VPS13B: variants seen among roughly 807,000 people sequenced by gnomAD.
VPS13B encodes intermembrane lipid transfer protein VPS13B.
VPS13B carries 285 observed loss-of-function variants against 426.4 expected under a neutral mutation model. That is an observed-to-expected ratio of 0.67 (90% CI 0.61 to 0.74). The LOEUF is 0.74. Ranked by LOEUF, VPS13B falls within the 30% of genes least tolerant of loss-of-function variation. The probability of loss-of-function intolerance (pLI) is 0.00; values close to 1 mark genes in which losing one functional copy is unlikely to be tolerated. For missense variants in VPS13B, 4,537 were observed against 4,782.6 expected (o/e 0.95, Z 1.51); for synonymous variants, 1,676 against 1,676.4 (o/e 1.00, Z 0.01).
intron 15 of VPS13B, among the ~76,000 whole-genome samples, chr8:99,158,959 T>A (rs1036238671): frequency 6.6e-6 from 1 of 152,234 alleles, no homozygotes; most frequent in African/African-American, 2.4e-5. Context: ...ATTCTTCTGA[T>A]AGACCTGGGC....
rs550223295 is a variant in VPS13B at position 99,558,331 on chromosome 8, G to A, written c.4949+1678G>A. Among the ~76,000 whole-genome samples the A allele has an allele frequency of 2.6e-5, 4 of 152,198 alleles. No homozygotes were observed. The South Asian group carries it at 8.3e-4, about 32-fold the overall frequency. ...TTTATATGTGATCTTCTCTGTACCT[G>A]TAACTGTCATAACCCACCCTCTTCA... On this transcript the variant is annotated intron_variant, in intron 31 of 61. Transcript: ENST00000357162.
chr8:99,438,422 T>C (rs575235915), intron 22 of VPS13B, among the ~76,000 whole-genome samples: 5 of 152,288 alleles, frequency 3.3e-5, no homozygotes, highest in South Asian at 4.1e-4. Context: ...ATGCTAATTA[T>C]AAAAGTAAGA....
intron 16 of VPS13B, among the ~76,000 whole-genome samples, chr8:99,177,104 A>G (rs142070575): frequency 1.2e-4 from 18 of 152,332 alleles, no homozygotes; most frequent in Non-Finnish European, 1.2e-4. Context: ...TTAGCAAGGA[A>G]GTGATGAGTG....
chr8:99,183,015 A>C (rs953136813), intron 16 of VPS13B, among the ~76,000 whole-genome samples: 1 of 152,198 alleles, frequency 6.6e-6, no homozygotes, highest in Admixed American at 6.5e-5. Flanking sequence ...CTGGGATTGC[A>C]GGCGTGAGCC....
chr8:99,821,719 A>G (rs952676885), intron 50 of VPS13B, among the ~76,000 whole-genome samples: 1 of 152,280 alleles, frequency 6.6e-6, no homozygotes, highest in South Asian at 2.1e-4. Context: ...ATTTCAGAAT[A>G]CTCAGCAGTA....
chr8:99,412,363 T>G (rs181959151), intron 21 of VPS13B, among the ~76,000 whole-genome samples: 12 of 152,366 alleles, frequency 7.9e-5, no homozygotes, highest in Non-Finnish European at 1.5e-4. Context: ...ATGATTTGGC[T>G]CTCTGTTTGT....
At chr8:99,312,058 A>G (rs1239526758) in intron 19 of VPS13B, among the ~76,000 whole-genome samples, 2 of 152,088 alleles carry the variant, frequency 1.3e-5, no homozygotes, top group African/African-American at 2.4e-5. Context: ...TTTTGAGCCT[A>G]TGTGGGTCTC....
chr8:99,361,254 C>T (rs1318636155), intron 19 of VPS13B, among the ~76,000 whole-genome samples: 1 of 152,204 alleles, frequency 6.6e-6, no homozygotes, highest in Non-Finnish European at 1.5e-5. Flanking sequence ...TATTGAGGAA[C>T]TGATAGGTGT....
At chr8:99,872,632 A>G (rs1322732784) in intron 61 of VPS13B, among the ~76,000 whole-genome samples, 1 of 152,188 alleles carries the variant, frequency 6.6e-6, no homozygotes, top group Non-Finnish European at 1.5e-5. Context: ...ATGAGATCCT[A>G]ATTATTTACC....
chr8:99,310,412 G>C (rs900224404), intron 19 of VPS13B, among the ~76,000 whole-genome samples: 1 of 152,154 alleles, frequency 6.6e-6, no homozygotes, highest in East Asian at 1.9e-4. Context: ...ATTGAATTTT[G>C]TTAAAGGCCT....
At position 99,399,152 on chromosome 8, in the gene VPS13B, C is replaced by T. The variant is rs540151977; in HGVS notation, c.3082+7448C>T. 4.7e-4 allele frequency among the ~76,000 whole-genome samples: 72 copies of T among 152,120 alleles called. 1 individual carries two copies. The highest frequency in any genetic ancestry group is 1.7e-3 in the African/African-American group (70 of 41,532). ...AAAATAAAGTCTATCTAATGAAGTA[C>T]ATCTAAAGTAAAATAACTTGAAAAT... On this transcript the variant is annotated intron_variant, in intron 21 of 61. Coordinates refer to ENST00000357162, the MANE Select transcript of VPS13B (RefSeq NM_152564.5).
chr8:99,123,760 A>G (rs760949802), intron 8 of VPS13B, among the ~76,000 whole-genome samples: 2 of 152,160 alleles, frequency 1.3e-5, no homozygotes, highest in Non-Finnish European at 2.9e-5. Flanking sequence ...TGAATGAAAA[A>G]AAAAAGATGA....
chr8:99,503,016 T>G, intron 27 of VPS13B, 66 bp downstream of exon 27: 1 of 1,228,062 alleles, frequency 8.1e-7, no homozygotes. Context: ...CCATAAGACT[T>G]TTTCTATTTT....
chr8:99,027,726 T>A (rs1047497304), intron 2 of VPS13B, among the ~76,000 whole-genome samples: 5 of 151,000 alleles, frequency 3.3e-5, no homozygotes, highest in Non-Finnish European at 7.4e-5. Context: ...TAGTTTTTTT[T>A]ATTTTTTTAT....
At chr8:99,055,017 C>T (rs573684788) in intron 3 of VPS13B, among the ~76,000 whole-genome samples, 183 of 147,776 alleles carry the variant, frequency 1.2e-3, no homozygotes, top group African/African-American at 3.8e-3. Context: ...AAATAAGCTT[C>T]CTATTTTGTA....
intron 16 of VPS13B, among the ~76,000 whole-genome samples, chr8:99,183,679 AAT>A (rs934116332): frequency 3.2e-4 from 48 of 152,180 alleles, no homozygotes; most frequent in African/African-American, 1.1e-3. Context: ...CTAATATATA[AAT>A]ATATTTTTTC....
At chr8:99,475,615 G>A (rs1325314343) in intron 24 of VPS13B, among the ~76,000 whole-genome samples, 1 of 152,064 alleles carries the variant, frequency 6.6e-6, no homozygotes, top group Non-Finnish European at 1.5e-5. Context: ...ATATTCTCTA[G>A]CTATCCACAT....
chr8:99,639,545 C>A (rs1829216000), intron 33 of VPS13B, among the ~76,000 whole-genome samples: 2 of 151,702 alleles, frequency 1.3e-5, no homozygotes, highest in Non-Finnish European at 2.9e-5. Flanking sequence ...ACTATAAAAA[C>A]CAATTAACAA....
chr8:99,501,017 C>A (rs982273485), intron 25 of VPS13B, among the ~76,000 whole-genome samples: 1 of 152,158 alleles, frequency 6.6e-6, no homozygotes, highest in African/African-American at 2.4e-5. Context: ...AGCTTATGCT[C>A]TATTCCACTA....
Sources: allele counts gnomAD v4.1 joint callset (sites outside exome capture counted in the v4.1 genomes callset), GRCh38; gene constraint gnomAD v4.1.1; transcripts MANE v1.5; gene names NCBI Gene and HGNC (gene_info 2026-07-23, HGNC 2026-07-21).